ZNF407: variants seen among roughly 807,000 people sequenced by gnomAD.
ZNF407 encodes zinc finger protein 407.
A neutral mutation model predicts 131.2 loss-of-function variants in ZNF407; 17 were observed. The ratio of observed to expected loss-of-function variants is 0.13; its 90% CI spans 0.09 to 0.19. The LOEUF is 0.19. Among genes scored for constraint, ZNF407 ranks in the 10% least tolerant of loss-of-function variants. The pLI, the probability that ZNF407 is intolerant of heterozygous loss-of-function variation, is 1.00. For synonymous variants in ZNF407, 1,156 were observed against 1,062.0 expected, an observed-to-expected ratio of 1.09 and a Z score of -1.72; for missense variants, 2,681 against 2,830.6, an observed-to-expected ratio of 0.95 and a Z score of 1.20.
intron 7 of ZNF407, among the ~76,000 whole-genome samples, chr18:74,890,879 T>C (rs1175088037): frequency 1.3e-5 from 2 of 152,074 alleles, no homozygotes; most frequent in Non-Finnish European, 2.9e-5. Flanking sequence ...AATCCGTGTG[T>C]GTTCGGAAAG....
intron 8 of ZNF407, among the ~76,000 whole-genome samples, chr18:74,995,083 C>G (rs972058209): frequency 2.3e-4 from 35 of 152,118 alleles, no homozygotes; most frequent in Admixed American, 1.9e-3. Flanking sequence ...CAGTTTGACA[C>G]CCTGAAATGA....
intron 4 of ZNF407, among the ~76,000 whole-genome samples, chr18:74,846,668 CT>C (rs2145138616): frequency 6.6e-6 from 1 of 151,656 alleles, no homozygotes. Context: ...TATTGAACAC[CT>C]TTAGAGAATA....
At chr18:74,605,949 T>C (rs1236034168) in intron 1 of ZNF407, among the ~76,000 whole-genome samples, 2 of 152,194 alleles carry the variant, frequency 1.3e-5, no homozygotes, top group African/African-American at 2.4e-5. Flanking sequence ...TCATCAGAGC[T>C]TTTCCTGACT....
At chr18:75,011,146 G>A (rs1310199229) in intron 8 of ZNF407, among the ~76,000 whole-genome samples, 4 of 152,090 alleles carry the variant, frequency 2.6e-5, no homozygotes, top group South Asian at 2.1e-4. Flanking sequence ...TTTCTTACTC[G>A]ATATTTTAAA....
At chr18:74,893,351 A>T (rs370010553) in intron 7 of ZNF407, among the ~76,000 whole-genome samples, 1 of 152,218 alleles carries the variant, frequency 6.6e-6, no homozygotes, top group African/African-American at 2.4e-5. Flanking sequence ...TAATTTGATT[A>T]TTAATGAAAG....
At position 74,605,093 on chromosome 18, in the gene ZNF407, C is replaced by A. The variant is rs76003346; in HGVS notation, c.-54+7156C>A. On this transcript the variant is annotated intron_variant, in intron 1 of 8. Coordinates refer to ENST00000299687, the MANE Select transcript of ZNF407 (RefSeq NM_017757.3). Reference sequence around the variant, plus strand: ...GGGTTTTGTTAACCTTTTCACTCACCGTTTGCCACACCAAGAAAGAAATGG... The same window carrying A: ...GGGTTTTGTTAACCTTTTCACTCACAGTTTGCCACACCAAGAAAGAAATGG... Among the ~76,000 whole-genome samples the A allele has an allele frequency of 5.6e-3, 854 of 152,270 alleles. 8 individuals are homozygous for A. Among genetic ancestry groups the A allele is most frequent in the Admixed American group, 0.01 (158 of 15,300 alleles).
chr18:75,011,337 A>C (rs576972208), intron 8 of ZNF407, among the ~76,000 whole-genome samples: 1 of 152,246 alleles, frequency 6.6e-6, no homozygotes, highest in Admixed American at 6.5e-5. Context: ...AATACTATAC[A>C]TTTAATTCTG....
At chr18:74,711,564 C>T (rs988600676) in intron 3 of ZNF407, among the ~76,000 whole-genome samples, 1 of 152,154 alleles carries the variant, frequency 6.6e-6, no homozygotes, top group Admixed American at 6.5e-5. Flanking sequence ...CTTACTGACA[C>T]CTTGATTTTA....
intron 8 of ZNF407, among the ~76,000 whole-genome samples, chr18:74,983,905 T>C (rs1422111960): frequency 6.6e-6 from 1 of 152,218 alleles, no homozygotes; most frequent in Non-Finnish European, 1.5e-5. Context: ...ACTGGAGAGT[T>C]AGCAAAGATG....
chr18:75,052,605 A>C (rs1973514531), intron 8 of ZNF407, among the ~76,000 whole-genome samples: 1 of 152,218 alleles, frequency 6.6e-6, no homozygotes. Context: ...ACCCCTGTTG[A>C]AGATTATGTT....
chr18:74,904,950 T>C (rs903678408), intron 7 of ZNF407, among the ~76,000 whole-genome samples: 1 of 152,242 alleles, frequency 6.6e-6, no homozygotes, highest in Non-Finnish European at 1.5e-5. Context: ...CCATTAGCAG[T>C]TGAAGAGTCA....
intron 4 of ZNF407, among the ~76,000 whole-genome samples, chr18:74,792,842 G>A (rs988262072): frequency 6.6e-6 from 1 of 152,176 alleles, no homozygotes; most frequent in Admixed American, 6.5e-5. Flanking sequence ...GGCTGCTCTG[G>A]TTGAAGCTGG....
chr18:74,910,557 A>G (rs532043491), intron 7 of ZNF407, among the ~76,000 whole-genome samples: 12 of 152,270 alleles, frequency 7.9e-5, no homozygotes, highest in South Asian at 2.1e-4. Context: ...TAAAGCAGTT[A>G]TGTGTAATCT....
chr18:74,857,636 A>C (rs762791023), intron 4 of ZNF407, among the ~76,000 whole-genome samples: 22 of 152,210 alleles, frequency 1.4e-4, no homozygotes, highest in Non-Finnish European at 1.9e-4. Context: ...ATTCTCATCA[A>C]AATACTTGTA....
At chr18:74,697,900 T>A (rs1967396093) in intron 3 of ZNF407, among the ~76,000 whole-genome samples, 1 of 152,232 alleles carries the variant, frequency 6.6e-6, no homozygotes, top group African/African-American at 2.4e-5. Flanking sequence ...AGTTAAGGCA[T>A]AAATCAATGA....
chr18:74,827,942 C>T (rs1249692578), intron 4 of ZNF407, among the ~76,000 whole-genome samples: 1 of 152,192 alleles, frequency 6.6e-6, no homozygotes, highest in Non-Finnish European at 1.5e-5. Context: ...ATGAACTCTA[C>T]CTTACATTAT....
intron 8 of ZNF407, among the ~76,000 whole-genome samples, chr18:74,923,944 C>G (rs958638762): frequency 2.0e-5 from 3 of 152,006 alleles, no homozygotes; most frequent in Non-Finnish European, 2.9e-5. Flanking sequence ...AGTCAAAACT[C>G]CAAACTACCC....
At chr18:74,917,468 G>A (rs1307930005) in intron 7 of ZNF407, among the ~76,000 whole-genome samples, 3 of 151,994 alleles carry the variant, frequency 2.0e-5, no homozygotes, top group Non-Finnish European at 2.9e-5. Context: ...TCCACACCAC[G>A]TCTTTCTTGA....
chr18:74,716,656 C>A (rs1325576196), intron 3 of ZNF407, among the ~76,000 whole-genome samples: 3 of 152,042 alleles, frequency 2.0e-5, no homozygotes, highest in Non-Finnish European at 2.9e-5. Flanking sequence ...AAGTAAACAA[C>A]ACAAATTTCT....
Sources: allele counts gnomAD v4.1 joint callset (sites outside exome capture counted in the v4.1 genomes callset), GRCh38; gene constraint gnomAD v4.1.1; transcripts MANE v1.5; gene names NCBI Gene and HGNC (gene_info 2026-07-23, HGNC 2026-07-21).